CDCA7L: variants seen among roughly 807,000 people sequenced by gnomAD.
The protein encoded by CDCA7L is cell division cycle-associated 7-like protein.
A neutral mutation model predicts 57.4 loss-of-function variants in CDCA7L; 44 were observed. That is an observed-to-expected ratio of 0.77 (90% confidence interval 0.60 to 0.98). CDCA7L has a LOEUF of 0.98. Ranked by LOEUF, CDCA7L falls within the 50% of genes least tolerant of loss-of-function variation. The probability of loss-of-function intolerance (pLI) is 0.00; values close to 1 mark genes in which losing one functional copy is unlikely to be tolerated. For synonymous variants in CDCA7L, 236 were observed against 202.8 expected, an observed-to-expected ratio of 1.16 and a Z score of -1.39; for missense variants, 644 against 580.6, an observed-to-expected ratio of 1.11 and a Z score of -1.12.
At chr7:21,914,202 C>T (rs1388085473) in intron 2 of CDCA7L, among the ~76,000 whole-genome samples, 1 of 152,226 alleles carries the variant, frequency 6.6e-6, no homozygotes, top group Non-Finnish European at 1.5e-5. Context: ...CCCATTTCAA[C>T]TGCACCCAGC....
rs1423005993 is a variant in CDCA7L, at chr7:21,902,409, T to C, written c.1335-57A>G. The stretch of plus-strand genomic sequence containing the variant: ...TAGTACAAATACACAAATGGCATTC[T>C]AGGCTTGAGAGATTCCACAATCATC... On this transcript the variant is annotated intron_variant, in intron 9 of 9. Coordinates refer to ENST00000406877, the MANE Select transcript of CDCA7L (RefSeq NM_018719.5). 32 of 1,517,240 alleles carry C rather than the reference T, an allele frequency of 2.1e-5. No homozygotes were observed. The East Asian group carries it at 7.0e-4, about 33-fold the overall frequency. The allele number at this position is 1,517,240 out of a possible 1,614,324, so 94.0% of individuals were successfully genotyped here.
intron 3 of CDCA7L, among the ~76,000 whole-genome samples, chr7:21,910,984 GGT>G (rs1220863328): frequency 7.0e-6 from 1 of 141,950 alleles, no homozygotes; most frequent in East Asian, 2.1e-4. Flanking sequence ...AGATAAAAGA[GGT>G]TTAAGGAACT....
intron 1 of CDCA7L, among the ~76,000 whole-genome samples, chr7:21,919,424 G>A (rs976830515): frequency 6.6e-6 from 1 of 152,066 alleles, no homozygotes; most frequent in East Asian, 1.9e-4. Context: ...AGCTAACCTT[G>A]TATGTTTCCT....
In CDCA7L at chr7:21,908,430, C is replaced by T; in HGVS notation, c.381G>A (p.Lys127=). Residue 127 remains lysine, a synonymous_variant, in exon 4 of 10, where the codon AAG becomes AAA. Transcript: ENST00000406877. Reference sequence around the variant, plus strand: ...TAGACCTGCTTCTTCTAGGGGTAGCCTTATCTTCTTCTTCATCTTCCTCTT... The same window carrying T: ...TAGACCTGCTTCTTCTAGGGGTAGCTTTATCTTCTTCTTCATCTTCCTCTT... The part of the protein sequence containing the change: ...SEEEEDEEED[K]ATPRRSRSRR... The T allele has an allele frequency of 6.3e-7, 1 of 1,579,158 alleles. No homozygotes were observed. Among genetic ancestry groups the T allele is most frequent in the Non-Finnish European group, 8.6e-7 (1 of 1,169,312 alleles).
At chr7:21,905,662 A>T (rs1429101940) in intron 6 of CDCA7L, 31 bp from the exon 7 acceptor site, 1 of 1,608,422 alleles carries the variant, frequency 6.2e-7, no homozygotes, top group African/African-American at 1.3e-5. Context: ...GAACATGGAG[A>T]TGTGTTGAGC....
intron 1 of CDCA7L, among the ~76,000 whole-genome samples, 193 bp downstream of exon 1, chr7:21,945,588 G>A (rs988959099): frequency 1.1e-4 from 16 of 152,194 alleles, no homozygotes; most frequent in East Asian, 1.9e-4. Context: ...TCTGTGGTCC[G>A]CGTAGCACAA....
At position 21,901,122 on chromosome 7, in the gene CDCA7L, A is replaced by T. The variant is rs1784799995; in HGVS notation, c.*1200T>A. 6.2e-7 allele frequency: 1 copy of T among 1,613,296 alleles called. No individual in the cohort carries two copies. The highest frequency in any genetic ancestry group is 1.7e-5 in the Admixed American group (1 of 59,900). ...CCCCCGTGGACAGACAAGAAACCAA[A>T]CAGACCTACGAGTGCCCTGTGTATA... On this transcript the variant is annotated 3_prime_UTR_variant, in exon 10 of 10. Coordinates refer to ENST00000406877, the MANE Select transcript of CDCA7L (RefSeq NM_018719.5).
At chr7:21,907,328 AAGT>A (rs1281034893) in intron 4 of CDCA7L, among the ~76,000 whole-genome samples, 1 of 152,236 alleles carries the variant, frequency 6.6e-6, no homozygotes, top group African/African-American at 2.4e-5. Context: ...AATAATCCGA[AAGT>A]AGGCATTCCA....
In CDCA7L at chr7:21,903,082, G is replaced by A; in HGVS notation, c.1230C>T (p.Cys410=). The A allele has an allele frequency of 2.5e-6, 4 of 1,613,970 alleles. No individual in the cohort carries two copies. The highest frequency in any genetic ancestry group is 3.4e-6 in the Non-Finnish European group (4 of 1,179,948). Residue 410 remains cysteine (C), a synonymous_variant, in exon 9 of 10, where the codon TGC becomes TGT. Coordinates refer to ENST00000406877, the MANE Select transcript of CDCA7L (RefSeq NM_018719.5). ...DWVCPPCRGI[C]NCSYCRKRDG... ...CACGCTTCCGACAGTAGCTGCAATT[G>A]CAGATCCCACGACAGGGGGGACACA...
chr7:21,937,577 A>G (rs4487646), intron 1 of CDCA7L, among the ~76,000 whole-genome samples: 132,879 of 151,622 alleles, frequency 0.88, 58,440 homozygotes, highest in East Asian at 0.95. Context: ...GGCAGAGGTT[A>G]CAGTGAGCCG....
At chr7:21,913,864 T>C (rs1411098899) in intron 2 of CDCA7L, among the ~76,000 whole-genome samples, 1 of 152,224 alleles carries the variant, frequency 6.6e-6, no homozygotes, top group Non-Finnish European at 1.5e-5. Flanking sequence ...AGGCCTGTGC[T>C]TTAGTTTCCT....
At chr7:21,936,887 A>G (rs1167697060) in intron 1 of CDCA7L, among the ~76,000 whole-genome samples, 1 of 152,228 alleles carries the variant, frequency 6.6e-6, no homozygotes, top group East Asian at 1.9e-4. Context: ...CTCTGCTATA[A>G]GAGACGTGAT....
chr7:21,915,871 A>G (rs1383357770), intron 2 of CDCA7L, among the ~76,000 whole-genome samples: 1 of 152,052 alleles, frequency 6.6e-6, no homozygotes, highest in African/African-American at 2.4e-5. Flanking sequence ...AAGGTGTAAC[A>G]GAGAGGAAGA....
rs531553804 is a variant in CDCA7L at position 21,916,312 on chromosome 7, C to A, written c.165+442G>T. The stretch of plus-strand genomic sequence containing the variant: ...AAGTAATTAACGCAAGAATAAGGCT[C>A]TCCCCAGCAATTCCAAGAGGACATG... On this transcript the variant is annotated intron_variant, in intron 2 of 9. Coordinates refer to ENST00000406877, the MANE Select transcript of CDCA7L (RefSeq NM_018719.5). Among the ~76,000 whole-genome samples the A allele has an allele frequency of 1.6e-4, 25 of 152,094 alleles. 1 individual carries two copies. Among genetic ancestry groups the A allele is most frequent in the African/African-American group, 5.3e-4 (22 of 41,488 alleles).
At chr7:21,919,349 C>T (rs1785585769) in intron 1 of CDCA7L, among the ~76,000 whole-genome samples, 1 of 152,170 alleles carries the variant, frequency 6.6e-6, no homozygotes. Flanking sequence ...AAGTCATCCT[C>T]TGTCTTTCTG....
At position 21,908,133 on chromosome 7, in the gene CDCA7L, G is replaced by A. The variant is rs900870592; in HGVS notation, c.678C>T (p.Ala226=). The A allele has an allele frequency of 1.3e-6, 2 of 1,535,116 alleles. No homozygotes were observed. The highest frequency in any genetic ancestry group is 2.8e-5 in the African/African-American group (2 of 71,738). The change falls in exon 4 of 10, where the codon GCC becomes GCT. Residue 226 remains alanine, a synonymous_variant. Coordinates refer to ENST00000406877, the MANE Select transcript of CDCA7L (RefSeq NM_018719.5). The part of the protein sequence containing the change: ...KRTMNIKENK[A]MLAQLLAELN... ...GACGCCCTCCGTGAAGCCTCACCAT[G>A]GCTTTGTTCTCCTTGATGTTCATGG... is the stretch of plus-strand genomic sequence containing the variant.
intron 1 of CDCA7L, among the ~76,000 whole-genome samples, chr7:21,925,983 A>G (rs1244297519): frequency 2.6e-5 from 4 of 152,204 alleles, no homozygotes; most frequent in Admixed American, 1.3e-4. Flanking sequence ...ACACACCTGT[A>G]GTCCCAGCTA....
intron 1 of CDCA7L, among the ~76,000 whole-genome samples, chr7:21,934,121 A>C (rs1786094324): frequency 6.6e-6 from 1 of 152,218 alleles, no homozygotes; most frequent in Non-Finnish European, 1.5e-5. Flanking sequence ...TAAGGTTCTC[A>C]GGTAAAGGTA....
At chr7:21,932,439 G>A (rs1786045313) in intron 1 of CDCA7L, among the ~76,000 whole-genome samples, 1 of 152,116 alleles carries the variant, frequency 6.6e-6, no homozygotes, top group African/African-American at 2.4e-5. Context: ...GCATGGTACT[G>A]GTACCAAAAC....
Sources: gnomAD v4.1 joint callset for allele counts (sites outside exome capture counted in the v4.1 genomes callset) on GRCh38, gnomAD v4.1.1 for gene constraint, MANE v1.5 for transcripts, NCBI Gene and HGNC (gene_info 2026-07-23, HGNC 2026-07-21) for gene names.